The following CCBE1 variants were observed in gnomAD, a reference collection of about 807,000 sequenced individuals.
CCBE1 encodes collagen and calcium-binding EGF domain-containing protein 1.
Under a neutral mutation model 50.0 loss-of-function variants are expected in CCBE1, and 37 were observed. The observed-to-expected ratio is 0.74, with a 90% CI of 0.57 to 0.97. The LOEUF is 0.97. CCBE1 is among the 50% of genes least tolerant of loss of function. The pLI, the probability that CCBE1 is intolerant of heterozygous loss-of-function variation, is 0.00. For missense variants in CCBE1, 538 were observed against 523.8 expected, an observed-to-expected ratio of 1.03 and a Z score of -0.26; for synonymous variants, 234 against 203.7, an observed-to-expected ratio of 1.15 and a Z score of -1.27.
chr18:59,479,836 GC>G (rs1301468372), intron 3 of CCBE1, among the ~76,000 whole-genome samples: 1 of 152,230 alleles, frequency 6.6e-6, no homozygotes, highest in Non-Finnish European at 1.5e-5. Context: ...CAGGTGAAAG[GC>G]AGGTAAAGAA....
At chr18:59,521,693 G>C (rs896468669) in intron 2 of CCBE1, among the ~76,000 whole-genome samples, 5 of 152,114 alleles carry the variant, frequency 3.3e-5, no homozygotes, top group African/African-American at 1.2e-4. Flanking sequence ...TTTCTCACAA[G>C]CCAAAACATC....
At chr18:59,545,651 T>A (rs1359441625) in intron 2 of CCBE1, among the ~76,000 whole-genome samples, 1 of 152,238 alleles carries the variant, frequency 6.6e-6, no homozygotes, top group Non-Finnish European at 1.5e-5. Context: ...AATCTCATCT[T>A]GAATTGTACT....
At chr18:59,685,348 A>G (rs1052866655) in intron 2 of CCBE1, among the ~76,000 whole-genome samples, 2 of 152,158 alleles carry the variant, frequency 1.3e-5, no homozygotes, top group Non-Finnish European at 2.9e-5. Context: ...CACCCCACAC[A>G]GAATGGAAAG....
intron 2 of CCBE1, among the ~76,000 whole-genome samples, chr18:59,532,125 G>A (rs1159939260): frequency 6.6e-6 from 1 of 152,114 alleles, no homozygotes; most frequent in Non-Finnish European, 1.5e-5. Flanking sequence ...GAGGGCAATG[G>A]CATGATCTCT....
intron 6 of CCBE1, among the ~76,000 whole-genome samples, chr18:59,449,654 G>C (rs901345357): frequency 1.3e-5 from 2 of 151,912 alleles, no homozygotes; most frequent in Admixed American, 1.3e-4. Context: ...AATGCTGTCT[G>C]GGGGCTGCTC....
At chr18:59,479,779 C>G (rs1912479297) in intron 3 of CCBE1, among the ~76,000 whole-genome samples, 1 of 152,174 alleles carries the variant, frequency 6.6e-6, no homozygotes, top group Non-Finnish European at 1.5e-5. Context: ...GGGTTGAACA[C>G]TCAGGTACTG....
chr18:59,564,066 G>C (rs1048954625), intron 2 of CCBE1: 4 of 152,222 alleles, frequency 2.6e-5, no homozygotes, highest in Admixed American at 6.5e-5. Flanking sequence ...CTGAGATGGT[G>C]AGACATTCTT....
intron 2 of CCBE1, among the ~76,000 whole-genome samples, chr18:59,639,325 G>T (rs948275639): frequency 3.3e-5 from 5 of 152,166 alleles, no homozygotes; most frequent in African/African-American, 1.2e-4. Flanking sequence ...TCCCTAGGAT[G>T]CAAGGATGAT....
At chr18:59,682,939 G>A (rs191953039) in intron 2 of CCBE1, among the ~76,000 whole-genome samples, 46 of 152,298 alleles carry the variant, frequency 3.0e-4, no homozygotes, top group African/African-American at 1.1e-3. Context: ...CCCCTTCCCT[G>A]TAGGAACTAC....
intron 2 of CCBE1, among the ~76,000 whole-genome samples, chr18:59,493,021 GT>G (rs1238935752): frequency 2.0e-5 from 3 of 152,224 alleles, no homozygotes; most frequent in Non-Finnish European, 4.4e-5. Flanking sequence ...TTCTGCTGCA[GT>G]TCACTGTATA....
chr18:59,460,645 G>A (rs989845116), intron 5 of CCBE1, among the ~76,000 whole-genome samples: 1 of 152,172 alleles, frequency 6.6e-6, no homozygotes, highest in Non-Finnish European at 1.5e-5. Context: ...AAGAAATGAG[G>A]CGTGGGCCAG....
At chr18:59,556,798 C>A (rs2052663532) in intron 2 of CCBE1, among the ~76,000 whole-genome samples, 1 of 152,186 alleles carries the variant, frequency 6.6e-6, no homozygotes, top group Non-Finnish European at 1.5e-5. Context: ...CCGTACAAGT[C>A]AATTTTATGA....
At chr18:59,522,512 G>T (rs115008308) in intron 2 of CCBE1, among the ~76,000 whole-genome samples, 1 of 152,186 alleles carries the variant, frequency 6.6e-6, no homozygotes, top group African/African-American at 2.4e-5. Context: ...GAATTAGTGC[G>T]TGACTGGGAT....
chr18:59,548,280 A>G (rs1915785227), intron 2 of CCBE1, among the ~76,000 whole-genome samples: 1 of 152,246 alleles, frequency 6.6e-6, no homozygotes, highest in Non-Finnish European at 1.5e-5. Flanking sequence ...AGGTGGGAAC[A>G]TTTGTACTGA....
intron 2 of CCBE1, among the ~76,000 whole-genome samples, chr18:59,691,223 G>A (rs975900052): frequency 6.6e-6 from 1 of 152,234 alleles, no homozygotes; most frequent in Admixed American, 6.5e-5. Context: ...GCTAGCCTCT[G>A]AGGATATAGT....
At position 59,466,851 on chromosome 18, in the gene CCBE1, G is replaced by A; in HGVS notation, c.441C>T (p.Ala147=). ...ECASSNGTLC[A]HICINTLGSY... ...TGCCCAAGGTATTGATGCAGATGTG[G>A]GCACACAGCGTCCCATTGCTGCTGG... The change falls in exon 5 of 11, where the codon GCC becomes GCT. Residue 147 remains alanine, a synonymous_variant. Coordinates refer to ENST00000439986, the MANE Select transcript of CCBE1 (RefSeq NM_133459.4). 1 of 1,613,548 alleles carries A rather than the reference G, an allele frequency of 6.2e-7. No homozygotes were observed. Among genetic ancestry groups the A allele is most frequent in the Non-Finnish European group, 8.5e-7 (1 of 1,179,816 alleles).
intron 2 of CCBE1, among the ~76,000 whole-genome samples, chr18:59,667,622 G>T (rs895311211): frequency 2.0e-5 from 3 of 152,176 alleles, no homozygotes; most frequent in Non-Finnish European, 4.4e-5. Flanking sequence ...CCGCTCTGGA[G>T]AAAGTTGAGG....
chr18:59,672,078 A>C (rs182842283), intron 2 of CCBE1, among the ~76,000 whole-genome samples: 2 of 152,310 alleles, frequency 1.3e-5, no homozygotes, highest in Admixed American at 6.5e-5. Flanking sequence ...TCAGAGTAGA[A>C]CTTGGGGCCA....
chr18:59,531,661 T>C (rs1408115521), intron 2 of CCBE1, among the ~76,000 whole-genome samples: 1 of 152,150 alleles, frequency 6.6e-6, no homozygotes, highest in Non-Finnish European at 1.5e-5. Context: ...GGCGGATCAC[T>C]TGAGCCCAGG....
Sources: gnomAD v4.1 joint callset for allele counts (sites outside exome capture counted in the v4.1 genomes callset) on GRCh38, gnomAD v4.1.1 for gene constraint, MANE v1.5 for transcripts, NCBI Gene and HGNC (gene_info 2026-07-23, HGNC 2026-07-21) for gene names.